The following RPS6KA2 variants were observed in gnomAD, a reference collection of about 807,000 sequenced individuals.
RPS6KA2 encodes ribosomal protein S6 kinase A2.
In RPS6KA2, 42 loss-of-function variants were observed where a neutral mutation model predicts 91.8. That is an observed-to-expected ratio of 0.46 (90% confidence interval 0.36 to 0.59). The LOEUF (loss-of-function observed/expected upper bound fraction) is 0.59, where lower values mean the gene tolerates loss of function less well. RPS6KA2 is among the 20% of genes least tolerant of loss of function. RPS6KA2 has a pLI of 0.00. For missense variants in RPS6KA2, 798 were observed against 978.5 expected (o/e 0.82, Z 2.46); for synonymous variants, 414 against 393.6 (o/e 1.05, Z -0.61).
At chr6:166,551,428 C>T (rs1229358544) in intron 1 of RPS6KA2, among the ~76,000 whole-genome samples, 4 of 152,316 alleles carry the variant, frequency 2.6e-5, no homozygotes, top group Middle Eastern at 3.4e-3. Context: ...CATGTGGCAG[C>T]CCCTGCTCTG....
chr6:166,704,937 T>G (rs1202480787), intron 2 of RPS6KA2, among the ~76,000 whole-genome samples: 5 of 152,220 alleles, frequency 3.3e-5, no homozygotes, highest in Non-Finnish European at 7.3e-5. Context: ...AAAATTAGGA[T>G]TGTTAATATT....
intron 2 of RPS6KA2, among the ~76,000 whole-genome samples, chr6:166,649,642 C>T (rs1432300598): frequency 6.6e-6 from 1 of 152,208 alleles, no homozygotes; most frequent in Admixed American, 6.5e-5. Context: ...CTTACTCACT[C>T]ATGCAACCCC....
intron 2 of RPS6KA2, among the ~76,000 whole-genome samples, chr6:166,651,934 G>C (rs936233713): frequency 1.3e-5 from 2 of 152,260 alleles, no homozygotes; most frequent in Non-Finnish European, 2.9e-5. Flanking sequence ...GGCTGACAAC[G>C]TGGAGCCGGG....
At chr6:166,589,263 G>A (rs1785281600) in intron 1 of RPS6KA2, among the ~76,000 whole-genome samples, 1 of 152,176 alleles carries the variant, frequency 6.6e-6, no homozygotes. Context: ...AGCTCAACAG[G>A]AAACCACGGT....
intron 10 of RPS6KA2, among the ~76,000 whole-genome samples, chr6:166,488,374 C>G (rs561282425): frequency 1.3e-5 from 2 of 152,190 alleles, no homozygotes; most frequent in African/African-American, 4.8e-5. Context: ...ACCGGCCCAG[C>G]CCACGGAGTA....
chr6:166,568,792 C>A (rs1784588022), intron 1 of RPS6KA2, among the ~76,000 whole-genome samples: 2 of 152,250 alleles, frequency 1.3e-5, no homozygotes, highest in East Asian at 3.9e-4. Flanking sequence ...CCAGCACAGG[C>A]CCAAAGCCAT....
In RPS6KA2 at chr6:166,418,161, T is replaced by G. The variant is rs185275649; in HGVS notation, c.1938+64A>C. 4.6e-4 allele frequency: 517 copies of G among 1,124,390 alleles called. No homozygotes were observed. In the African/African-American group the frequency reaches 4.7e-3, roughly 10 times the overall value. The allele number at this position is 1,124,390 out of a possible 1,614,324, so 69.7% of individuals were successfully genotyped here. On this transcript the variant is annotated intron_variant, in intron 19 of 20. Transcript: ENST00000265678. This position sits in a 1 kb window ranked among gnomAD's most constrained non-coding sequence, Gnocchi z 4.9. ...ACATAAAACCTATCCCCTGGCTTCC[T>G]CAGAAATCATATGGCTATTTCAGAA...
chr6:166,449,903 A>G (rs1253370226), intron 13 of RPS6KA2, among the ~76,000 whole-genome samples: 1 of 147,686 alleles, frequency 6.8e-6, no homozygotes, highest in Non-Finnish European at 1.5e-5. Context: ...CACGAGGACC[A>G]CCATGGGAAC....
At chr6:166,771,470 C>A (rs1419077466) in intron 2 of RPS6KA2, among the ~76,000 whole-genome samples, 1 of 152,156 alleles carries the variant, frequency 6.6e-6, no homozygotes, top group African/African-American at 2.4e-5. Flanking sequence ...TTTTGGCCAG[C>A]ATGGTTTGGA....
At chr6:166,537,048 TGAG>T (rs1350357713) in intron 2 of RPS6KA2, among the ~76,000 whole-genome samples, 4 of 152,248 alleles carry the variant, frequency 2.6e-5, no homozygotes, top group Non-Finnish European at 5.9e-5. Flanking sequence ...CCCAGTTCTG[TGAG>T]GAGGACATTG....
chr6:166,496,702 G>A (rs1781798058), intron 8 of RPS6KA2, among the ~76,000 whole-genome samples: 1 of 152,216 alleles, frequency 6.6e-6, no homozygotes, highest in Non-Finnish European at 1.5e-5. Context: ...GGCCACTTGT[G>A]AGCCCAGAGT....
At chr6:166,560,802 C>G (rs1174519955) in intron 1 of RPS6KA2, among the ~76,000 whole-genome samples, 2 of 152,130 alleles carry the variant, frequency 1.3e-5, no homozygotes, top group East Asian at 1.9e-4. Flanking sequence ...TTACAACACT[C>G]TTGCTTTTTC....
intron 1 of RPS6KA2, among the ~76,000 whole-genome samples, chr6:166,599,258 C>A (rs1785647133): frequency 6.6e-6 from 1 of 152,184 alleles, no homozygotes; most frequent in Non-Finnish European, 1.5e-5. Flanking sequence ...AAGCAGTGAT[C>A]AACAATAATC....
intron 2 of RPS6KA2, among the ~76,000 whole-genome samples, chr6:166,711,686 C>CA: frequency 6.6e-6 from 1 of 152,032 alleles, no homozygotes. Context: ...GATGAAGCAA[C>CA]AGATGTTCTC....
At chr6:166,502,158 G>A (rs910017988) in intron 6 of RPS6KA2, among the ~76,000 whole-genome samples, 4 of 152,132 alleles carry the variant, frequency 2.6e-5, no homozygotes, top group South Asian at 2.1e-4. Context: ...CAATGGGAAC[G>A]TGCTTAATGC....
chr6:166,505,101 A>G (rs1306474538), intron 5 of RPS6KA2, among the ~76,000 whole-genome samples: 1 of 152,164 alleles, frequency 6.6e-6, no homozygotes, highest in Non-Finnish European at 1.5e-5. Context: ...CTAGTAGCCT[A>G]CGTAACCTGC....
intron 2 of RPS6KA2, among the ~76,000 whole-genome samples, chr6:166,776,539 T>G (rs1778624271): frequency 6.6e-6 from 1 of 152,192 alleles, no homozygotes. Flanking sequence ...AACATCTGCC[T>G]CTTCCACGCC....
intron 2 of RPS6KA2, among the ~76,000 whole-genome samples, chr6:166,718,171 G>T (rs1317469297): frequency 1.3e-5 from 2 of 152,118 alleles, no homozygotes; most frequent in East Asian, 3.9e-4. Flanking sequence ...TTCTATGAAG[G>T]CAAAAGCAAC....
In RPS6KA2 at chr6:166,737,082, A is replaced by G. The variant is rs1024588873; in HGVS notation, c.123+121118T>C. Among the ~76,000 whole-genome samples the G allele has an allele frequency of 6.6e-6, 1 of 152,176 alleles. No individual in the cohort carries two copies. Among genetic ancestry groups the G allele is most frequent in the Non-Finnish European group, 1.5e-5 (1 of 68,030 alleles). On this transcript the variant is annotated intron_variant, in intron 2 of 21. Coordinates refer to the RPS6KA2 transcript ENST00000503859. The surrounding 1 kb of genome is among the most constrained non-coding windows in gnomAD (Gnocchi z 4.3). ...GCCTACGCTTTTTTACAGACGCAAAAAGATAGATGCACATTCTTTGTCAAC... is the reference window on the plus strand; with the variant it reads ...GCCTACGCTTTTTTACAGACGCAAAGAGATAGATGCACATTCTTTGTCAAC...
Sources: gnomAD v4.1 joint callset for allele counts (sites outside exome capture counted in the v4.1 genomes callset) on GRCh38, gnomAD v4.1.1 for gene constraint, Gnocchi (gnomAD v3.1) non-coding constraint, MANE v1.5 for transcripts, NCBI Gene and HGNC (gene_info 2026-07-23, HGNC 2026-07-21) for gene names.